The following RBFOX1 variants were observed in gnomAD, a reference collection of about 807,000 sequenced individuals.
RBFOX1 encodes the protein RNA binding fox-1 homolog 1, also known as RNA binding protein fox-1 homolog 1.
A neutral mutation model predicts 57.7 loss-of-function variants in RBFOX1; 8 were observed. The ratio of observed to expected loss-of-function variants is 0.14; its 90% CI spans 0.08 to 0.25. The LOEUF (loss-of-function observed/expected upper bound fraction) is 0.25. Ranked by LOEUF, RBFOX1 falls within the 10% of genes least tolerant of loss-of-function variation. The pLI is 1.00. For synonymous variants in RBFOX1, 326 were observed against 222.4 expected, an observed-to-expected ratio of 1.47 and a Z score of -4.15; for missense variants, 611 against 548.5, an observed-to-expected ratio of 1.11 and a Z score of -1.14.
intron 3 of RBFOX1, among the ~76,000 whole-genome samples, chr16:5,822,915 G>T (rs1457142602): frequency 6.6e-6 from 1 of 152,210 alleles, no homozygotes; most frequent in Non-Finnish European, 1.5e-5. Context: ...GCCAGGCTGT[G>T]GGCTTAGATG....
chr16:7,062,878 A>G (rs1372086054), intron 4 of RBFOX1, among the ~76,000 whole-genome samples: 1 of 120,954 alleles, frequency 8.3e-6, no homozygotes, highest in African/African-American at 3.1e-5. Context: ...ACCTCATCTC[A>G]TTCAAATGAT....
chr16:7,243,659 C>A (rs1271664698), intron 4 of RBFOX1, among the ~76,000 whole-genome samples: 1 of 152,004 alleles, frequency 6.6e-6, no homozygotes, highest in Non-Finnish European at 1.5e-5. Flanking sequence ...GTGATCCTCC[C>A]AGCTCAGCCT....
chr16:5,989,371 T>A (rs938104032), intron 4 of RBFOX1, among the ~76,000 whole-genome samples: 14 of 151,932 alleles, frequency 9.2e-5, no homozygotes, highest in Admixed American at 7.9e-4. Flanking sequence ...CCCAAAAAAC[T>A]TAATTACAGG....
At chr16:5,613,041 T>G (rs1416219332) in intron 3 of RBFOX1, among the ~76,000 whole-genome samples, 1 of 152,100 alleles carries the variant, frequency 6.6e-6, no homozygotes, top group Non-Finnish European at 1.5e-5. Context: ...CCCATGAGAA[T>G]GGGACTAAGG....
chr16:6,461,159 G>C (rs966584910), intron 2 of RBFOX1, among the ~76,000 whole-genome samples: 2 of 152,152 alleles, frequency 1.3e-5, no homozygotes, highest in African/African-American at 4.8e-5. Context: ...GCTGGGCTTA[G>C]TACCTAGGTG....
intron 4 of RBFOX1, among the ~76,000 whole-genome samples, chr16:7,200,048 A>G (rs866579804): frequency 6.6e-6 from 1 of 152,234 alleles, no homozygotes; most frequent in Admixed American, 6.5e-5. Context: ...GGGAAATTCT[A>G]GAGTGAAATC....
intron 4 of RBFOX1, among the ~76,000 whole-genome samples, chr16:7,058,439 G>A (rs2053164219): frequency 6.6e-6 from 1 of 152,144 alleles, no homozygotes; most frequent in Non-Finnish European, 1.5e-5. Context: ...GGGGCCTGGA[G>A]CTACGCCTAC....
intron 4 of RBFOX1, among the ~76,000 whole-genome samples, chr16:5,876,747 C>G (rs62017074): frequency 0.14 from 20,620 of 152,178 alleles, 1,908 homozygotes; most frequent in Non-Finnish European, 0.2. Flanking sequence ...AAGATGTGCT[C>G]CCGGGCTCAT....
At chr16:5,314,649 C>T (rs974128386) in intron 1 of RBFOX1, among the ~76,000 whole-genome samples, 5 of 152,008 alleles carry the variant, frequency 3.3e-5, no homozygotes, top group Non-Finnish European at 7.4e-5. Context: ...TACAGGCATG[C>T]ACCACCATGC....
chr16:7,173,193 G>A lies in RBFOX1; in HGVS notation c.27+121095G>A, dbSNP rs575779228. On this transcript the variant is annotated intron_variant, in intron 4 of 15. Coordinates refer to ENST00000550418, the MANE Select transcript of RBFOX1 (RefSeq NM_018723.4). Reference sequence around the variant, plus strand: ...ATCATACAACTGTTTTATTATTAACGTAAAATTAAAGAAAAACATCACTAC... The same window carrying A: ...ATCATACAACTGTTTTATTATTAACATAAAATTAAAGAAAAACATCACTAC... Among the ~76,000 whole-genome samples, 67 of 152,120 alleles carry A rather than the reference G, an allele frequency of 4.4e-4. 1 individual carries two copies. Among genetic ancestry groups the A allele is most frequent in the African/African-American group, 1.5e-3 (61 of 41,478 alleles).
intron 2 of RBFOX1, among the ~76,000 whole-genome samples, chr16:6,494,582 C>T (rs2095713688): frequency 6.6e-6 from 1 of 152,270 alleles, no homozygotes; most frequent in East Asian, 1.9e-4. Flanking sequence ...TAACCATTCA[C>T]CTGTTGAAGG....
chr16:7,112,411 C>T (rs2064984010), intron 4 of RBFOX1, among the ~76,000 whole-genome samples: 1 of 149,358 alleles, frequency 6.7e-6, no homozygotes, highest in Non-Finnish European at 1.5e-5. Context: ...CGTGGTTTCG[C>T]CATGTTGGCC....
At chr16:6,521,454 C>T (rs1351788086) in intron 2 of RBFOX1, among the ~76,000 whole-genome samples, 3 of 141,610 alleles carry the variant, frequency 2.1e-5, no homozygotes, top group Admixed American at 1.4e-4. Flanking sequence ...CCCTCCCGTC[C>T]CCTCTCCTCT....
chr16:6,868,832 C>A (rs532346278), intron 3 of RBFOX1, among the ~76,000 whole-genome samples: 1 of 152,018 alleles, frequency 6.6e-6, no homozygotes, highest in Admixed American at 6.6e-5. Context: ...ATGGGCTTTG[C>A]CATATGACTT....
At chr16:5,488,098 GTGA>G (rs2042695276) in intron 2 of RBFOX1, among the ~76,000 whole-genome samples, 1 of 147,062 alleles carries the variant, frequency 6.8e-6, no homozygotes, top group African/African-American at 2.6e-5. Context: ...GGTGATGATG[GTGA>G]TGGTGGTGGT....
intron 4 of RBFOX1, among the ~76,000 whole-genome samples, chr16:7,283,053 A>G (rs1378542678): frequency 6.6e-6 from 1 of 152,188 alleles, no homozygotes; most frequent in Non-Finnish European, 1.5e-5. Context: ...TTGTGCTGCT[A>G]TAAATATGCA....
intron 1 of RBFOX1, among the ~76,000 whole-genome samples, chr16:6,255,548 G>C (rs146506604): frequency 4.6e-5 from 7 of 152,260 alleles, no homozygotes; most frequent in African/African-American, 1.7e-4. Context: ...ATGGATACAG[G>C]TGGGTGCCAA....
At chr16:7,380,170 C>G (rs977880048) in intron 4 of RBFOX1, among the ~76,000 whole-genome samples, 6 of 152,108 alleles carry the variant, frequency 3.9e-5, no homozygotes, top group African/African-American at 1.4e-4. Context: ...TTATGTTTTG[C>G]TGTATACCTT....
intron 1 of RBFOX1, among the ~76,000 whole-genome samples, chr16:5,369,413 CAT>C (rs1221005950): frequency 6.6e-6 from 1 of 152,254 alleles, no homozygotes; most frequent in Non-Finnish European, 1.5e-5. Context: ...CACTGACAGA[CAT>C]AGTCGTCTCC....
Sources: gnomAD v4.1 joint callset for allele counts (sites outside exome capture counted in the v4.1 genomes callset) on GRCh38, gnomAD v4.1.1 for gene constraint, MANE v1.5 for transcripts, NCBI Gene and HGNC (gene_info 2026-07-23, HGNC 2026-07-21) for gene names.